The following ANKRD17 variants were observed in gnomAD, a reference collection of about 807,000 sequenced individuals.
The protein encoded by ANKRD17 is ankyrin repeat domain 17, also known as ankyrin repeat domain-containing protein 17.
In ANKRD17, 19 loss-of-function variants were observed where a neutral mutation model predicts 229.7. The observed-to-expected ratio is 0.08, with a 90% CI of 0.06 to 0.12. The LOEUF is 0.12. Ranked by LOEUF, ANKRD17 falls within the 10% of genes least tolerant of loss-of-function variation. The pLI, the probability that ANKRD17 is intolerant of heterozygous loss-of-function variation, is 1.00. For missense variants in ANKRD17, 2,176 were observed against 3,176.8 expected (o/e 0.68, Z 7.57); for synonymous variants, 1,112 against 1,146.1 (o/e 0.97, Z 0.60).
At chr4:73,184,643 A>G (rs1736049555) in intron 1 of ANKRD17, among the ~76,000 whole-genome samples, 1 of 152,076 alleles carries the variant, frequency 6.6e-6, no homozygotes, top group South Asian at 2.1e-4. Context: ...CTAAGTGCAA[A>G]GCAGTAGGCT....
chr4:73,096,677 ATAT>A (rs1055915506), intron 27 of ANKRD17, among the ~76,000 whole-genome samples: 3 of 152,220 alleles, frequency 2.0e-5, no homozygotes, highest in Non-Finnish European at 2.9e-5. Flanking sequence ...TCTTGGATAC[ATAT>A]TATTTTTAAA....
chr4:73,114,384 A>G (rs1348819335), intron 23 of ANKRD17, among the ~76,000 whole-genome samples: 1 of 152,244 alleles, frequency 6.6e-6, no homozygotes, highest in South Asian at 2.1e-4. Flanking sequence ...TAATTTTCTC[A>G]GTGATTTCAT....
intron 2 of ANKRD17, among the ~76,000 whole-genome samples, chr4:73,161,764 G>C (rs1035914256): frequency 6.6e-6 from 1 of 152,228 alleles, no homozygotes; most frequent in Non-Finnish European, 1.5e-5. Flanking sequence ...GACACAGAAA[G>C]AGAAGGGGAC....
intron 1 of ANKRD17, among the ~76,000 whole-genome samples, chr4:73,248,974 A>G (rs965263031): frequency 7.2e-5 from 11 of 152,114 alleles, no homozygotes; most frequent in Non-Finnish European, 1.6e-4. Context: ...AAGAGACAAC[A>G]ATGGGGTCAA....
intron 30 of ANKRD17, among the ~76,000 whole-genome samples, chr4:73,079,651 GTTTTA>G (rs1168123098): frequency 1.3e-5 from 2 of 152,110 alleles, no homozygotes; most frequent in Non-Finnish European, 2.9e-5. Flanking sequence ...GCCTAAGTCT[GTTTTA>G]TTTTATCTTG....
At chr4:73,170,693 T>G (rs1468809724) in intron 2 of ANKRD17, among the ~76,000 whole-genome samples, 1 of 152,158 alleles carries the variant, frequency 6.6e-6, no homozygotes, top group South Asian at 2.1e-4. Flanking sequence ...ACAAGCTGAC[T>G]GAAGAGCCCT....
At chr4:73,133,389 G>GTTTTT (rs1232065955) in intron 16 of ANKRD17, among the ~76,000 whole-genome samples, 1 of 123,202 alleles carries the variant, frequency 8.1e-6, no homozygotes, top group African/African-American at 3.0e-5. Context: ...AATGTCTCGT[G>GTTTTT]TTTTTTTTTT....
intron 2 of ANKRD17, among the ~76,000 whole-genome samples, chr4:73,171,840 T>C (rs1289488883): frequency 6.6e-6 from 1 of 152,044 alleles, no homozygotes; most frequent in Non-Finnish European, 1.5e-5. Flanking sequence ...TTAGTGAGCT[T>C]GCAGACAGGC....
chr4:73,247,736 ACTCAT>A (rs1044596920), intron 1 of ANKRD17, among the ~76,000 whole-genome samples: 3 of 151,892 alleles, frequency 2.0e-5, no homozygotes, highest in African/African-American at 7.2e-5. Context: ...TAATCTGAAG[ACTCAT>A]CTCTTCAATT....
chr4:73,255,978 G>A (rs930980469), intron 1 of ANKRD17, among the ~76,000 whole-genome samples: 5 of 152,052 alleles, frequency 3.3e-5, no homozygotes, highest in East Asian at 1.9e-4. Context: ...CGCCCGCCTC[G>A]GTCTCCCAAA....
intron 30 of ANKRD17, among the ~76,000 whole-genome samples, chr4:73,082,651 CA>C (rs1721694396): frequency 6.6e-6 from 1 of 152,128 alleles, no homozygotes; most frequent in African/African-American, 2.4e-5. Context: ...TGAATTTAAT[CA>C]GGAAGAAATA....
Position 73,090,745 on chromosome 4 carries a change from CTGAATTT to C in ANKRD17, c.6876_6882del (p.Asn2293IlefsTer38). ...GAAGTATCAGACTGATGTAAAGGAT[CTGAATTT>C]GGCAAATATGAGGATTTTCCTGATA... On this transcript the variant is annotated frameshift_variant, in exon 29 of 34. Transcript: ENST00000358602. LOFTEE classifies it high-confidence loss of function. 6.2e-7 allele frequency: 1 copy of C among 1,614,144 alleles called. No homozygotes were observed. The highest frequency in any genetic ancestry group is 8.5e-7 in the Non-Finnish European group (1 of 1,180,038).
chr4:73,224,743 G>A (rs975790429), intron 1 of ANKRD17, among the ~76,000 whole-genome samples: 1 of 152,076 alleles, frequency 6.6e-6, no homozygotes, highest in African/African-American at 2.4e-5. Context: ...ATGTGGAAAT[G>A]GGACAAAAAG....
Position 73,172,597 on chromosome 4 carries a change from C to T in ANKRD17, c.547+4783G>A, listed in dbSNP as rs117029147. Among the ~76,000 whole-genome samples the T allele has an allele frequency of 7.2e-4, 109 of 152,228 alleles. 3 individuals are homozygous for T. In the East Asian group the frequency reaches 0.017, roughly 23 times the overall value. On this transcript the variant is annotated intron_variant, in intron 2 of 33. Transcript: ENST00000358602. ...AACAAATCAAAAATAATAACTACAACAACTTTTCAAGACATATGCAGCACA... is the reference window on the plus strand; with the variant it reads ...AACAAATCAAAAATAATAACTACAATAACTTTTCAAGACATATGCAGCACA...
intron 3 of ANKRD17, 116 bp from the exon 4 acceptor site, chr4:73,156,282 G>T: frequency 7.8e-7 from 1 of 1,289,498 alleles, no homozygotes; most frequent in Non-Finnish European, 1.0e-6. Flanking sequence ...GTCTTGCTCT[G>T]TCACCCAGGA....
intron 1 of ANKRD17, among the ~76,000 whole-genome samples, chr4:73,231,635 G>C (rs1743056381): frequency 1.3e-5 from 2 of 152,176 alleles, no homozygotes; most frequent in South Asian, 4.1e-4. Context: ...ATAATCCTTA[G>C]AATCTTCAAA....
At chr4:73,201,333 G>C (rs1738648656) in intron 1 of ANKRD17, among the ~76,000 whole-genome samples, 1 of 151,804 alleles carries the variant, frequency 6.6e-6, no homozygotes, top group African/African-American at 2.4e-5. Flanking sequence ...TTTTACTATA[G>C]GGAAATTGGA....
At chr4:73,146,619 A>G (rs774592340) in intron 10 of ANKRD17, 145 bp downstream of exon 10, 9 of 591,482 alleles carry the variant, frequency 1.5e-5, no homozygotes, top group Non-Finnish European at 2.2e-5. Flanking sequence ...AAATGTGACT[A>G]AGTGAGAGAA....
intron 10 of ANKRD17, among the ~76,000 whole-genome samples, chr4:73,146,555 G>A (rs1226026844): frequency 6.6e-6 from 1 of 151,780 alleles, no homozygotes; most frequent in African/African-American, 2.4e-5. Context: ...TGGAAAATGA[G>A]GGATAATGCA....
Sources: gnomAD v4.1 joint callset for allele counts (sites outside exome capture counted in the v4.1 genomes callset) on GRCh38, gnomAD v4.1.1 for gene constraint, MANE v1.5 for transcripts, NCBI Gene and HGNC (gene_info 2026-07-23, HGNC 2026-07-21) for gene names.